Variants in ADGRL3 observed in about 807,000 individuals in gnomAD.
The protein encoded by ADGRL3 is calcium-independent alpha-latrotoxin receptor 3.
In ADGRL3, 62 loss-of-function variants were observed where a neutral mutation model predicts 153.5. The ratio of observed to expected loss-of-function variants is 0.40; its 90% CI spans 0.33 to 0.50. ADGRL3 has a LOEUF of 0.50. Among genes scored for constraint, ADGRL3 ranks in the 20% least tolerant of loss-of-function variants. The pLI, the probability that ADGRL3 is intolerant of heterozygous loss-of-function variation, is 0.47. For synonymous variants in ADGRL3, 710 were observed against 672.5 expected (o/e 1.06, Z -0.86); for missense variants, 1,641 against 1,859.4 (o/e 0.88, Z 2.16).
chr4:61,697,818 T>G (rs2151247730), intron 6 of ADGRL3, among the ~76,000 whole-genome samples: 1 of 152,292 alleles, frequency 6.6e-6, no homozygotes, highest in African/African-American at 2.4e-5. Context: ...GGCCTAATAA[T>G]TGTAGCATAC....
chr4:61,287,929 C>T (rs913931918), intron 1 of ADGRL3, among the ~76,000 whole-genome samples: 7 of 151,860 alleles, frequency 4.6e-5, no homozygotes, highest in East Asian at 3.9e-4. Context: ...ATGGGTTGAG[C>T]GGGCCTTAGC....
At chr4:61,786,444 C>G (rs1375373270) in intron 8 of ADGRL3, among the ~76,000 whole-genome samples, 1 of 151,966 alleles carries the variant, frequency 6.6e-6, no homozygotes, top group Non-Finnish European at 1.5e-5. Context: ...ATAAAGAAAC[C>G]AGATGGAGAA....
chr4:61,632,804 A>G (rs116403004), intron 5 of ADGRL3, among the ~76,000 whole-genome samples: 86 of 152,314 alleles, frequency 5.6e-4, no homozygotes, highest in African/African-American at 1.9e-3. Flanking sequence ...GGTTTCCAGA[A>G]TGTTTTAACC....
intron 1 of ADGRL3, among the ~76,000 whole-genome samples, chr4:61,209,971 T>A (rs953533334): frequency 3.9e-5 from 6 of 152,148 alleles, no homozygotes; most frequent in Non-Finnish European, 8.8e-5. Flanking sequence ...CTCATAAGAA[T>A]GCCATAAATG....
intron 8 of ADGRL3, among the ~76,000 whole-genome samples, chr4:61,736,437 T>A (rs1374792711): frequency 6.6e-6 from 1 of 152,100 alleles, no homozygotes; most frequent in Non-Finnish European, 1.5e-5. Flanking sequence ...GCATATCACT[T>A]GAGGTCAGGA....
rs1161373391 is a variant in ADGRL3 at position 61,908,589 on chromosome 4, C to G, written c.1888-971C>G. ...TGCCATTGCACTCCAGCCTGGGCGA[C>G]AAGAGCAAAACAACGCCTCAAAAAA... On this transcript the variant is annotated intron_variant, in intron 11 of 26. Transcript: ENST00000683033. 1.3e-4 allele frequency among the ~76,000 whole-genome samples: 15 copies of G among 113,456 alleles called. No homozygotes were observed. The East Asian group carries it at 3.0e-3, about 23-fold the overall frequency. The allele number at this position is 113,456 out of a possible 152,430, so 74.4% of individuals were successfully genotyped here.
intron 9 of ADGRL3, among the ~76,000 whole-genome samples, chr4:61,861,343 C>T (rs192275752): frequency 7.2e-5 from 11 of 152,124 alleles, no homozygotes; most frequent in African/African-American, 2.7e-4. Context: ...TATGGTAATA[C>T]CTGCTAAATG....
intron 1 of ADGRL3, among the ~76,000 whole-genome samples, chr4:61,334,229 A>T (rs1442441192): frequency 6.6e-6 from 1 of 151,966 alleles, no homozygotes; most frequent in Non-Finnish European, 1.5e-5. Context: ...CATTTTTTTT[A>T]AATGCTTTTT....
chr4:61,627,309 G>T (rs2092892354), intron 5 of ADGRL3, among the ~76,000 whole-genome samples: 1 of 151,998 alleles, frequency 6.6e-6, no homozygotes, highest in Non-Finnish European at 1.5e-5. Context: ...TGGCACAGTG[G>T]TAATTATTAA....
chr4:61,641,523 G>C (rs1181680618), intron 5 of ADGRL3, among the ~76,000 whole-genome samples: 6 of 145,670 alleles, frequency 4.1e-5, no homozygotes, highest in Admixed American at 7.2e-5. Flanking sequence ...ACCTATGAGT[G>C]AGAATATGCA....
chr4:61,651,029 A>C (rs922787843), intron 5 of ADGRL3, among the ~76,000 whole-genome samples: 8 of 152,150 alleles, frequency 5.3e-5, no homozygotes, highest in African/African-American at 1.4e-4. Flanking sequence ...TTAAATAAGT[A>C]ATCTATCACT....
intron 24 of ADGRL3, among the ~76,000 whole-genome samples, chr4:62,038,287 G>T (rs1278331675): frequency 6.6e-6 from 1 of 152,020 alleles, no homozygotes; most frequent in African/African-American, 2.4e-5. Flanking sequence ...AAATAACTAT[G>T]ACTCAACTAT....
At chr4:61,481,612 T>C (rs961892955) in intron 2 of ADGRL3, among the ~76,000 whole-genome samples, 7 of 151,860 alleles carry the variant, frequency 4.6e-5, no homozygotes, top group African/African-American at 1.7e-4. Flanking sequence ...TATTAATGAG[T>C]GTTTGTTTTT....
intron 9 of ADGRL3, among the ~76,000 whole-genome samples, chr4:61,847,652 A>G (rs1349247308): frequency 1.7e-5 from 1 of 59,538 alleles, no homozygotes. Context: ...ATAATATAAA[A>G]TATATTATAT....
Position 61,368,521 on chromosome 4 carries a change from C to G in ADGRL3, c.-239-14603C>G, listed in dbSNP as rs546710979. Among the ~76,000 whole-genome samples, 154 of 152,070 alleles carry G rather than the reference C, an allele frequency of 1.0e-3. 1 individual carries two copies. The highest frequency in any genetic ancestry group is 3.5e-3 in the African/African-American group (144 of 41,484). ...CATTGCTTGTTTTTCTCAGGTTTGTCAAAGATCAGATAGTTGTAGATATGC... is the reference window on the plus strand; with the variant it reads ...CATTGCTTGTTTTTCTCAGGTTTGTGAAAGATCAGATAGTTGTAGATATGC... On this transcript the variant is annotated intron_variant, in intron 1 of 26. Coordinates refer to ENST00000683033, the MANE Select transcript of ADGRL3 (RefSeq NM_001387552.1).
chr4:61,486,110 ATTT>A, intron 2 of ADGRL3, among the ~76,000 whole-genome samples: 1 of 151,960 alleles, frequency 6.6e-6, no homozygotes, highest in South Asian at 2.1e-4. Context: ...TGCCTGGCTA[ATTT>A]TTTTGAATTT....
chr4:61,645,585 C>T (rs932905863), intron 5 of ADGRL3, among the ~76,000 whole-genome samples: 1 of 152,118 alleles, frequency 6.6e-6, no homozygotes, highest in African/African-American at 2.4e-5. Context: ...GTTGAAAATT[C>T]TTTTCTTTAA....
intron 1 of ADGRL3, among the ~76,000 whole-genome samples, chr4:61,236,660 A>C (rs1458970434): frequency 6.6e-6 from 1 of 152,194 alleles, no homozygotes; most frequent in Non-Finnish European, 1.5e-5. Context: ...TTTAGCCTCC[A>C]TAAGTAGAGG....
intron 9 of ADGRL3, among the ~76,000 whole-genome samples, chr4:61,818,778 C>A (rs143127601): frequency 6.6e-6 from 1 of 152,126 alleles, no homozygotes; most frequent in African/African-American, 2.4e-5. Flanking sequence ...AATTCCTCTG[C>A]ATGCACAGAT....
Sources: allele counts gnomAD v4.1 joint callset (sites outside exome capture counted in the v4.1 genomes callset), GRCh38; gene constraint gnomAD v4.1.1; transcripts MANE v1.5; gene names NCBI Gene and HGNC (gene_info 2026-07-23, HGNC 2026-07-21).